NTM: variants seen among roughly 807,000 people sequenced by gnomAD.
NTM encodes the protein IgLON family member 2.
Under a neutral mutation model 42.1 loss-of-function variants are expected in NTM, and 13 were observed. The observed-to-expected ratio is 0.31, with a 90% confidence interval of 0.20 to 0.49. The LOEUF (loss-of-function observed/expected upper bound fraction) is 0.49. Ranked by LOEUF, NTM falls within the 20% of genes least tolerant of loss-of-function variation. NTM has a pLI of 0.99. For missense variants in NTM, 373 were observed against 452.8 expected, an observed-to-expected ratio of 0.82 and a Z score of 1.60; for synonymous variants, 187 against 179.2, an observed-to-expected ratio of 1.04 and a Z score of -0.35.
intron 1 of NTM, among the ~76,000 whole-genome samples, chr11:131,841,135 C>G (rs943696087): frequency 6.6e-6 from 1 of 152,170 alleles, no homozygotes; most frequent in African/African-American, 2.4e-5. Flanking sequence ...ATAAAAATGA[C>G]TAGGATGTTG....
At chr11:132,158,976 C>T (rs2073774624) in intron 3 of NTM, among the ~76,000 whole-genome samples, 1 of 152,202 alleles carries the variant, frequency 6.6e-6, no homozygotes, top group Non-Finnish European at 1.5e-5. Context: ...AGATCTCTGC[C>T]ACCCCCAGGG....
intron 1 of NTM, among the ~76,000 whole-genome samples, chr11:131,523,549 G>T (rs1016448037): frequency 6.6e-6 from 1 of 152,148 alleles, no homozygotes; most frequent in Non-Finnish European, 1.5e-5. Flanking sequence ...AGCACTTTGG[G>T]AGGCCGAAGT....
intron 1 of NTM, among the ~76,000 whole-genome samples, chr11:131,883,811 C>T (rs2049932658): frequency 6.6e-6 from 1 of 152,138 alleles, no homozygotes; most frequent in African/African-American, 2.4e-5. Flanking sequence ...CACTCCCCTA[C>T]CACCCCCTAA....
chr11:131,602,235 G>C (rs1345145309), intron 1 of NTM, among the ~76,000 whole-genome samples: 5 of 152,122 alleles, frequency 3.3e-5, no homozygotes, highest in Admixed American at 3.3e-4. Flanking sequence ...AATGGCCTTT[G>C]CTGTTCTGTT....
chr11:131,490,055 A>G (rs997556085), intron 1 of NTM, among the ~76,000 whole-genome samples: 2 of 152,196 alleles, frequency 1.3e-5, no homozygotes, highest in Non-Finnish European at 2.9e-5. Context: ...GAGAGGAAGC[A>G]AGGGTTGGGG....
chr11:131,678,514 T>A (rs1044362757), intron 1 of NTM, among the ~76,000 whole-genome samples: 2 of 152,304 alleles, frequency 1.3e-5, no homozygotes, highest in Admixed American at 6.5e-5. Context: ...CAGATGCCCT[T>A]CCTCCTGTAC....
Position 131,954,216 on chromosome 11 carries a change from A to G in NTM, c.167+42568A>G, listed in dbSNP as rs73580794. Among the ~76,000 whole-genome samples the G allele has an allele frequency of 9.1e-3, 1,379 of 152,306 alleles. 15 individuals carry two copies. Among genetic ancestry groups the G allele is most frequent in the African/African-American group, 0.031 (1,301 of 41,574 alleles). ...TTGGGAGCCAGACACAGGCATTGTA[A>G]GTAGCACAGGACGCTTCACTCAGCA... is the stretch of plus-strand genomic sequence containing the variant. On this transcript the variant is annotated intron_variant, in intron 2 of 8. Coordinates refer to ENST00000683400, the MANE Select transcript of NTM (RefSeq NM_001352005.2).
intron 3 of NTM, among the ~76,000 whole-genome samples, chr11:132,198,557 A>G (rs941059302): frequency 1.3e-5 from 2 of 152,108 alleles, no homozygotes; most frequent in African/African-American, 4.8e-5. Flanking sequence ...AAAATGATAA[A>G]TGATAGATAC....
At chr11:131,983,542 A>AT (rs1314504560) in intron 2 of NTM, among the ~76,000 whole-genome samples, 2 of 151,732 alleles carry the variant, frequency 1.3e-5, no homozygotes, top group African/African-American at 2.4e-5. Flanking sequence ...CACCCAGCTA[A>AT]TTTTTTTATT....
chr11:131,404,456 G>T (rs1180587329), intron 1 of NTM, among the ~76,000 whole-genome samples: 1 of 151,974 alleles, frequency 6.6e-6, no homozygotes, highest in African/African-American at 2.4e-5. Context: ...TGTATGCTGG[G>T]TCTGCAAGGT....
intron 7 of NTM, among the ~76,000 whole-genome samples, chr11:132,326,260 C>T (rs116922034): frequency 2.6e-3 from 397 of 152,248 alleles, no homozygotes; most frequent in Non-Finnish European, 4.2e-3. Flanking sequence ...TATGGCTATG[C>T]TTTCAGAAGG....
chr11:132,113,399 G>A (rs2063483785), intron 2 of NTM, among the ~76,000 whole-genome samples: 1 of 152,200 alleles, frequency 6.6e-6, no homozygotes, highest in Non-Finnish European at 1.5e-5. Context: ...CTAATTCTCT[G>A]TATCTGAAAG....
intron 6 of NTM, among the ~76,000 whole-genome samples, chr11:132,313,603 T>C (rs374084946): frequency 6.6e-6 from 1 of 152,326 alleles, no homozygotes; most frequent in African/African-American, 2.4e-5. Context: ...CATTTCGGAA[T>C]CTTGCAAAGG....
At chr11:132,145,482 T>A (rs2070182765) in intron 2 of NTM, among the ~76,000 whole-genome samples, 1 of 152,150 alleles carries the variant, frequency 6.6e-6, no homozygotes, top group African/African-American at 2.4e-5. Context: ...AAAGACATGA[T>A]GAGGACTTGG....
At chr11:131,830,544 G>C (rs2042691427) in intron 1 of NTM, among the ~76,000 whole-genome samples, 1 of 150,872 alleles carries the variant, frequency 6.6e-6, no homozygotes, top group African/African-American at 2.4e-5. Context: ...TTTTGTACCA[G>C]TGCCATGCTG....
At chr11:132,296,385 C>A (rs2094610332) in intron 4 of NTM, among the ~76,000 whole-genome samples, 1 of 152,336 alleles carries the variant, frequency 6.6e-6, no homozygotes, top group South Asian at 2.1e-4. Context: ...ATGTCCCAAA[C>A]TTTTCCTATA....
At chr11:131,947,618 C>A (rs149158037) in intron 2 of NTM, among the ~76,000 whole-genome samples, 1 of 152,246 alleles carries the variant, frequency 6.6e-6, no homozygotes, top group Non-Finnish European at 1.5e-5. Flanking sequence ...AGACACAGGG[C>A]CCTGGGGTCT....
At chr11:131,657,034 T>C (rs546184847) in intron 1 of NTM, among the ~76,000 whole-genome samples, 2 of 151,738 alleles carry the variant, frequency 1.3e-5, no homozygotes, top group East Asian at 3.9e-4. Context: ...CTTCTCTGCA[T>C]TGTTAGCGGG....
At position 131,523,259 on chromosome 11, in the gene NTM, G is replaced by A. The variant is rs945048848; in HGVS notation, c.82+152371G>A. Among the ~76,000 whole-genome samples, 15 of 152,238 alleles carry A rather than the reference G, an allele frequency of 9.9e-5. 1 individual carries two copies. Among genetic ancestry groups the A allele is most frequent in the Admixed American group, 9.8e-4 (15 of 15,280 alleles). ...CAAGAGAACTCCTAGGACATTAGCT[G>A]ACAGTTTGTAATACTAGTTGTCAGA... On this transcript the variant is annotated intron_variant, in intron 1 of 8. Transcript: ENST00000683400.
Sources: allele counts gnomAD v4.1 joint callset (sites outside exome capture counted in the v4.1 genomes callset), GRCh38; gene constraint gnomAD v4.1.1; transcripts MANE v1.5; gene names NCBI Gene and HGNC (gene_info 2026-07-23, HGNC 2026-07-21).